The following DMD variants were observed in gnomAD, a reference collection of about 807,000 sequenced individuals.
The protein encoded by DMD is dystrophin.
DMD carries 63 observed loss-of-function variants against 330.1 expected under a neutral mutation model. The ratio of observed to expected loss-of-function variants is 0.19; its 90% confidence interval spans 0.16 to 0.24. DMD has a LOEUF of 0.24. Ranked by LOEUF, DMD falls within the 10% of genes least tolerant of loss-of-function variation. The probability of loss-of-function intolerance (pLI) is 1.00; values close to 1 mark genes in which losing one functional copy is unlikely to be tolerated. For missense variants in DMD, 3,344 were observed against 2,684.1 expected (o/e 1.25, Z -5.43); for synonymous variants, 1,223 against 959.8 (o/e 1.27, Z -5.07).
At chrX:31,175,179 C>G (rs1472778600) in intron 71 of DMD, among the ~76,000 whole-genome samples, 1 of 111,436 alleles carries the variant, frequency 9.0e-6, no homozygotes, top group African/African-American at 3.2e-5. Flanking sequence ...ACAGACCAGT[C>G]TTTCAATTAC....
At chrX:32,118,570 G>C (rs1022860516) in intron 44 of DMD, among the ~76,000 whole-genome samples, 2 of 110,871 alleles carry the variant, frequency 1.8e-5, no homozygotes, top group African/African-American at 6.6e-5. Context: ...GAACTTATTA[G>C]AAAAGTAAAT....
chrX:33,027,586 G>T (rs775163818), intron 1 of DMD, among the ~76,000 whole-genome samples: 3 of 112,534 alleles, frequency 2.7e-5, no homozygotes, highest in African/African-American at 9.7e-5. Context: ...ACACCTACTA[G>T]GTGGTAGAAA....
chrX:31,541,617 C>T (rs2073830702), intron 55 of DMD, among the ~76,000 whole-genome samples: 1 of 109,400 alleles, frequency 9.1e-6, no homozygotes, highest in African/African-American at 3.3e-5. Context: ...TGATAGTTTG[C>T]TCAGAATGAT....
At chrX:33,172,716 T>TAGCTA (rs2148706688) in intron 1 of DMD, among the ~76,000 whole-genome samples, 1 of 112,103 alleles carries the variant, frequency 8.9e-6, no homozygotes, top group East Asian at 2.8e-4. Flanking sequence ...GGAGGAAGTA[T>TAGCTA]TTCACCAGTA....
chrX:33,338,147 T>A (rs1743952063), intron 1 of DMD, among the ~76,000 whole-genome samples: 1 of 111,914 alleles, frequency 8.9e-6, no homozygotes, highest in African/African-American at 3.2e-5. Flanking sequence ...ATTTGCTTGT[T>A]ACCCTAGTGG....
chrX:31,867,218 T>A (rs896223755), intron 48 of DMD, among the ~76,000 whole-genome samples: 6 of 108,090 alleles, frequency 5.6e-5, no homozygotes, highest in African/African-American at 1.7e-4. Flanking sequence ...TTTTTTTTTT[T>A]ATATTTTGGG....
In DMD at chrX:32,692,322, T is replaced by G. The variant is rs370160334; in HGVS notation, c.960+5548A>C. Among the ~76,000 whole-genome samples the G allele has an allele frequency of 2.0e-4, 22 of 112,111 alleles. 2 individuals carry two copies. The highest frequency in any genetic ancestry group is 1.7e-3 in the Admixed American group (18 of 10,572). On this transcript the variant is annotated intron_variant, in intron 9 of 78. Transcript: ENST00000357033. ...ATAGAGTTGAGCTAAAACCTAACAA[T>G]TCTGTTTCTGGGTAATTTGTTCAGT...
At chrX:32,257,915 A>G (rs1432083426) in intron 43 of DMD, among the ~76,000 whole-genome samples, 3 of 110,684 alleles carry the variant, frequency 2.7e-5, no homozygotes, top group African/African-American at 6.6e-5. Flanking sequence ...TGCAATCTAT[A>G]CATCTGACAA....
intron 52 of DMD, among the ~76,000 whole-genome samples, chrX:31,702,823 C>G (rs1170474860): frequency 9.2e-6 from 1 of 108,781 alleles, no homozygotes; most frequent in East Asian, 2.9e-4. Context: ...TTGCACTCCC[C>G]ATCCTTCTTT....
chrX:31,139,217 G>T (rs962929249), intron 76 of DMD, among the ~76,000 whole-genome samples: 1 of 111,424 alleles, frequency 9.0e-6, no homozygotes, highest in Non-Finnish European at 1.9e-5. Flanking sequence ...ACTGCTGGTG[G>T]GAATGTAAAC....
chrX:32,435,271 C>T (rs745563713), intron 29 of DMD, among the ~76,000 whole-genome samples: 50 of 46,657 alleles, frequency 1.1e-3, no homozygotes, highest in Non-Finnish European at 1.5e-3. Flanking sequence ...TTAATATATA[C>T]TTACATATAT....
chrX:32,399,473 TG>T (rs2098070346), intron 30 of DMD, among the ~76,000 whole-genome samples: 1 of 111,472 alleles, frequency 9.0e-6, no homozygotes, highest in African/African-American at 3.3e-5. Context: ...AACGGGTATA[TG>T]AAAAGGGTCT....
chrX:31,900,246 C>T (rs1322741633), intron 47 of DMD, among the ~76,000 whole-genome samples: 2 of 111,199 alleles, frequency 1.8e-5, no homozygotes, highest in South Asian at 3.8e-4. Context: ...ATCACTGATA[C>T]GGTTTGGCTG....
intron 59 of DMD, among the ~76,000 whole-genome samples, chrX:31,473,590 C>T (rs12687929): frequency 3.8e-5 from 4 of 104,160 alleles, no homozygotes; most frequent in African/African-American, 1.1e-4. Flanking sequence ...CGTGGTGGTG[C>T]GCGCCTGTAG....
intron 2 of DMD, among the ~76,000 whole-genome samples, chrX:32,900,231 TG>T (rs1403005380): frequency 8.9e-6 from 1 of 112,078 alleles, no homozygotes; most frequent in African/African-American, 3.2e-5. Flanking sequence ...AAAATTGTGT[TG>T]GTATGAATAG....
Position 32,376,423 on chromosome X carries a change from T to C in DMD, c.4845+4087A>G, listed in dbSNP as rs1422581762. Among the ~76,000 whole-genome samples the C allele has an allele frequency of 1.3e-4, 15 of 112,148 alleles. No homozygotes were observed. In the East Asian group the frequency reaches 3.6e-3, roughly 27 times the overall value. ...TGCTCACACAATGATGGTTGTCTCA[T>C]TTTATTAATTCTGTGTATTTTATGG... is the stretch of plus-strand genomic sequence containing the variant. On this transcript the variant is annotated intron_variant, in intron 34 of 78. Transcript: ENST00000357033.
intron 51 of DMD, among the ~76,000 whole-genome samples, chrX:31,733,129 G>A (rs748076219): frequency 9.0e-6 from 1 of 110,826 alleles, no homozygotes; most frequent in Non-Finnish European, 1.9e-5. Context: ...GAGCAAAGAT[G>A]GAGGAAAAAA....
At chrX:32,455,772 GAA>G (rs2098355068) in intron 25 of DMD, among the ~76,000 whole-genome samples, 1 of 111,242 alleles carries the variant, frequency 9.0e-6, no homozygotes. Flanking sequence ...TTACTGAAAT[GAA>G]AAGTGGCTCA....
chrX:31,233,681 C>T (rs913841167), intron 63 of DMD, among the ~76,000 whole-genome samples: 6 of 111,933 alleles, frequency 5.4e-5, no homozygotes, highest in Admixed American at 9.5e-5. Flanking sequence ...TTGCCCCTTC[C>T]TGTTTTAAAA....
Sources: gnomAD v4.1 joint callset for allele counts (sites outside exome capture counted in the v4.1 genomes callset) on GRCh38, gnomAD v4.1.1 for gene constraint, MANE v1.5 for transcripts, NCBI Gene and HGNC (gene_info 2026-07-23, HGNC 2026-07-21) for gene names.